EYS: variants seen among roughly 807,000 people sequenced by gnomAD.
EYS encodes the protein EGF-like photoreceptor maintenance factor.
A neutral mutation model predicts 282.1 loss-of-function variants in EYS; 250 were observed. The ratio of observed to expected loss-of-function variants is 0.89; its 90% CI spans 0.80 to 0.98. The LOEUF is 0.98. EYS is among the 50% of genes least tolerant of loss of function. EYS has a pLI of 0.00. For missense variants in EYS, 4,016 were observed against 3,709.0 expected, an observed-to-expected ratio of 1.08 and a Z score of -2.15; for synonymous variants, 1,355 against 1,282.9, an observed-to-expected ratio of 1.06 and a Z score of -1.20.
intron 2 of EYS, among the ~76,000 whole-genome samples, chr6:65,539,341 C>T (rs984430672): frequency 6.6e-6 from 1 of 152,140 alleles, no homozygotes; most frequent in Non-Finnish European, 1.5e-5. Flanking sequence ...AATTATAACA[C>T]TACATAAGCC....
At chr6:64,894,827 A>T (rs925023361) in intron 18 of EYS, among the ~76,000 whole-genome samples, 2 of 152,154 alleles carry the variant, frequency 1.3e-5, no homozygotes, top group South Asian at 4.1e-4. Context: ...ATATAAGATT[A>T]TTGAGGTCAG....
intron 2 of EYS, among the ~76,000 whole-genome samples, chr6:65,638,866 C>G (rs891905987): frequency 6.6e-6 from 1 of 152,202 alleles, no homozygotes. Flanking sequence ...CTCAGGCAAA[C>G]GTGCCACTGG....
intron 2 of EYS, among the ~76,000 whole-genome samples, chr6:65,559,949 C>G (rs1045645454): frequency 4.0e-5 from 6 of 151,026 alleles, no homozygotes; most frequent in Admixed American, 3.3e-4. Context: ...AAAATACTTT[C>G]TAGTTTCTTT....
At chr6:64,791,290 G>A (rs2150000438) in intron 22 of EYS, among the ~76,000 whole-genome samples, 1 of 151,800 alleles carries the variant, frequency 6.6e-6, no homozygotes, top group African/African-American at 2.4e-5. Context: ...GTAAATAAAT[G>A]TTGTTAAAAT....
chr6:63,992,606 A>C (rs1767652511), intron 34 of EYS, among the ~76,000 whole-genome samples: 1 of 151,784 alleles, frequency 6.6e-6, no homozygotes, highest in Non-Finnish European at 1.5e-5. Context: ...TATGTTGTGT[A>C]AGCTTCATGG....
At chr6:64,604,440 A>G (rs1037955661) in intron 24 of EYS, among the ~76,000 whole-genome samples, 2 of 152,038 alleles carry the variant, frequency 1.3e-5, no homozygotes, top group African/African-American at 4.8e-5. Flanking sequence ...ATAAATTTGT[A>G]TGAAGTCTGA....
intron 31 of EYS, among the ~76,000 whole-genome samples, chr6:64,214,930 T>G (rs1035857652): frequency 6.6e-6 from 1 of 151,964 alleles, no homozygotes; most frequent in Non-Finnish European, 1.5e-5. Context: ...CAAATCTGAT[T>G]GAGATAATAA....
chr6:65,417,218 T>A (rs1019806533), intron 5 of EYS, among the ~76,000 whole-genome samples: 1 of 151,824 alleles, frequency 6.6e-6, no homozygotes, highest in Non-Finnish European at 1.5e-5. Context: ...ACAAATAAAT[T>A]TATAGTGGTC....
chr6:64,686,860 T>C (rs865870722), intron 22 of EYS, among the ~76,000 whole-genome samples: 1 of 25,984 alleles, frequency 3.8e-5, no homozygotes, highest in Non-Finnish European at 1.1e-4. Context: ...TATATGTGTA[T>C]ATATATACGT....
chr6:63,963,929 A>T (rs1333292112), intron 35 of EYS, among the ~76,000 whole-genome samples: 1 of 152,186 alleles, frequency 6.6e-6, no homozygotes, highest in Non-Finnish European at 1.5e-5. Context: ...TAGTAGCAGG[A>T]ATTTTCAAAC....
At chr6:63,975,595 C>T (rs1766796992) in intron 35 of EYS, among the ~76,000 whole-genome samples, 1 of 151,946 alleles carries the variant, frequency 6.6e-6, no homozygotes, top group Admixed American at 6.6e-5. Flanking sequence ...TTGCTTATCA[C>T]AACCTTTTCT....
chr6:64,569,468 G>A (rs56360134), intron 26 of EYS, among the ~76,000 whole-genome samples: 1 of 151,984 alleles, frequency 6.6e-6, no homozygotes, highest in Non-Finnish European at 1.5e-5. Flanking sequence ...GGAGCCGGGC[G>A]TGGTGGCTCA....
chr6:65,007,939 C>A (rs1330805165), intron 13 of EYS, among the ~76,000 whole-genome samples: 1 of 152,094 alleles, frequency 6.6e-6, no homozygotes, highest in Non-Finnish European at 1.5e-5. Context: ...GACACTAACC[C>A]CAAATGAGAG....
chr6:65,311,117 T>C (rs1326144712), intron 11 of EYS, among the ~76,000 whole-genome samples: 1 of 152,112 alleles, frequency 6.6e-6, no homozygotes, highest in African/African-American at 2.4e-5. Flanking sequence ...ATACTACACT[T>C]GATCTTAGCC....
intron 9 of EYS, among the ~76,000 whole-genome samples, chr6:65,344,501 C>T (rs916963343): frequency 1.3e-5 from 2 of 151,430 alleles, no homozygotes; most frequent in African/African-American, 4.8e-5. Context: ...AAAAAGAACA[C>T]TGTCCTATAA....
At chr6:64,259,663 C>CACAA (rs1767520109) in intron 30 of EYS, among the ~76,000 whole-genome samples, 1 of 82,816 alleles carries the variant, frequency 1.2e-5, no homozygotes. Context: ...CACACACACA[C>CACAA]ACACACACAC....
intron 31 of EYS, among the ~76,000 whole-genome samples, chr6:64,148,198 A>G (rs568511373): frequency 2.0e-5 from 3 of 152,172 alleles, no homozygotes; most frequent in African/African-American, 7.2e-5. Flanking sequence ...GTTGTATTTC[A>G]TCTCATTTTC....
intron 29 of EYS, among the ~76,000 whole-genome samples, chr6:64,329,197 G>A (rs1473583854): frequency 6.6e-6 from 1 of 152,090 alleles, no homozygotes; most frequent in Admixed American, 6.6e-5. Context: ...CAAGCAATTT[G>A]GCTATTGTCT....
At chr6:64,796,664 T>A (rs142494456) in intron 22 of EYS, among the ~76,000 whole-genome samples, 77 of 152,224 alleles carry the variant, frequency 5.1e-4, no homozygotes, top group African/African-American at 1.7e-3. Context: ...GTATCCAAAC[T>A]TCCATATTTG....
Sources: gnomAD v4.1 joint callset for allele counts (sites outside exome capture counted in the v4.1 genomes callset) on GRCh38, gnomAD v4.1.1 for gene constraint, MANE v1.5 for transcripts, NCBI Gene and HGNC (gene_info 2026-07-23, HGNC 2026-07-21) for gene names.